SNX2: variants seen among roughly 807,000 people sequenced by gnomAD.
The protein encoded by SNX2 is sorting nexin-2.
SNX2 carries 25 observed loss-of-function variants against 69.9 expected under a neutral mutation model. The observed-to-expected ratio is 0.36, with a 90% CI of 0.26 to 0.50. The LOEUF is 0.50. SNX2 is among the 20% of genes least tolerant of loss of function. The pLI, the probability that SNX2 is intolerant of heterozygous loss-of-function variation, is 0.97. For missense variants in SNX2, 551 were observed against 613.3 expected (o/e 0.90, Z 1.07); for synonymous variants, 229 against 200.4 (o/e 1.14, Z -1.20).
At chr5:122,825,482 T>C (rs1467275854) in intron 11 of SNX2, among the ~76,000 whole-genome samples, 1 of 152,090 alleles carries the variant, frequency 6.6e-6, no homozygotes, top group Non-Finnish European at 1.5e-5. Context: ...ATAAAAAATA[T>C]ATATAGTCCT....
chr5:122,786,828 T>C (rs1269057075), intron 1 of SNX2, among the ~76,000 whole-genome samples: 1 of 152,156 alleles, frequency 6.6e-6, no homozygotes, highest in Non-Finnish European at 1.5e-5. Flanking sequence ...TGTCAGTCTG[T>C]TGGGGAGGGA....
chr5:122,775,989 A>G (rs564875208), intron 1 of SNX2, among the ~76,000 whole-genome samples: 18 of 152,024 alleles, frequency 1.2e-4, no homozygotes, highest in Non-Finnish European at 2.5e-4. Context: ...TGTTTTTGTC[A>G]AAGGAAGCAC....
intron 10 of SNX2, among the ~76,000 whole-genome samples, chr5:122,817,785 A>T (rs1057264974): frequency 6.6e-6 from 1 of 152,048 alleles, no homozygotes; most frequent in Non-Finnish European, 1.5e-5. Context: ...CTTTTTGAAA[A>T]TTTTTTGGAA....
chr5:122,806,142 G>GCGCGCACA, intron 6 of SNX2, among the ~76,000 whole-genome samples: 1 of 130,584 alleles, frequency 7.7e-6, no homozygotes, highest in African/African-American at 2.9e-5. Flanking sequence ...ACACGCGCGC[G>GCGCGCACA]CACACACACA....
At chr5:122,814,090 A>G (rs1753844643) in intron 7 of SNX2, among the ~76,000 whole-genome samples, 2 of 152,034 alleles carry the variant, frequency 1.3e-5, no homozygotes, top group South Asian at 4.1e-4. Context: ...TAAGTACTAG[A>G]TGTTTTGTCC....
At chr5:122,790,836 C>A (rs764246334) in intron 1 of SNX2, among the ~76,000 whole-genome samples, 1 of 152,212 alleles carries the variant, frequency 6.6e-6, no homozygotes, top group Non-Finnish European at 1.5e-5. Context: ...TCTTCCCAGT[C>A]TTTCTGCCTT....
intron 7 of SNX2, among the ~76,000 whole-genome samples, chr5:122,809,094 C>T (rs144430774): frequency 1.2e-4 from 19 of 152,206 alleles, no homozygotes; most frequent in Admixed American, 9.2e-4. Flanking sequence ...CTATACTAAA[C>T]ATGTGCAGAC....
At position 122,816,955 on chromosome 5, in the gene SNX2, G is replaced by T; in HGVS notation, c.839G>T (p.Gly280Val). 1 of 1,613,692 alleles carries T rather than the reference G, an allele frequency of 6.2e-7. No individual in the cohort carries two copies. Among genetic ancestry groups the T allele is most frequent in the Non-Finnish European group, 8.5e-7 (1 of 1,179,742 alleles). The part of the protein sequence containing the change: ...AVNTQALSGA[G>V]ILRMVNKAAD... ...AATACACAGGCTCTGAGTGGAGCAG[G>T]AATATTGAGGATGGTGAACAAGGCT... The change falls in exon 9 of 15, where the codon GGA becomes GTA. Residue 280 changes from glycine to valine, a missense_variant. Physicochemically the swap from Gly to Val is moderately radical, Grantham distance 109. Around this residue, in one of 2 missense-constraint regions of SNX2, gnomAD observed 360 missense variants for 450.4 expected, o/e 0.80. Transcript: ENST00000379516.
At chr5:122,804,260 A>T (rs1308553730) in intron 6 of SNX2, among the ~76,000 whole-genome samples, 3 of 152,160 alleles carry the variant, frequency 2.0e-5, no homozygotes, top group African/African-American at 7.2e-5. Context: ...CATTTTTCTA[A>T]GGGATGGAGG....
In SNX2 at chr5:122,827,612, A is replaced by G. The variant is rs375660293; in HGVS notation, c.1475A>G (p.Lys492Arg). 6.2e-6 allele frequency: 10 copies of G among 1,613,300 alleles called. No homozygotes were observed. Among genetic ancestry groups the G allele is most frequent in the African/African-American group, 4.0e-5 (3 of 74,916 alleles). Residue 492 changes from lysine (K) to arginine (R), a missense_variant, in exon 14 of 15, where the codon AAG (lysine) becomes AGG (arginine). Lys to Arg is a conservative substitution (Grantham distance 26). Coordinates refer to ENST00000379516, the MANE Select transcript of SNX2 (RefSeq NM_003100.4). The part of the protein sequence containing the change: ...RVKDFKTVII[K>R]YLESLVQTQQ... Reference sequence around the variant, plus strand: ...AAGGATTTTAAAACCGTTATCATCAAGTACTTAGAATCACTAGTTCAAACA... The same window carrying G: ...AAGGATTTTAAAACCGTTATCATCAGGTACTTAGAATCACTAGTTCAAACA...
At chr5:122,790,849 A>G (rs971808315) in intron 1 of SNX2, among the ~76,000 whole-genome samples, 3 of 152,138 alleles carry the variant, frequency 2.0e-5, no homozygotes, top group African/African-American at 4.8e-5. Flanking sequence ...TCTGCCTTTT[A>G]CTTCCTTTTC....
In SNX2 at chr5:122,811,825, C is replaced by CTAAATAAATAAATAAATAAA. The variant is rs376912042; in HGVS notation, c.722+3487_722+3506dup. Among the ~76,000 whole-genome samples the CTAAATAAATAAATAAATAAA allele has an allele frequency of 5.9e-3, 776 of 131,996 alleles. 3 individuals carry two copies. The highest frequency in any genetic ancestry group is 9.7e-3 in the Admixed American group (124 of 12,750). The allele number at this position is 131,996 out of a possible 152,430, so 86.6% of individuals were successfully genotyped here. On this transcript the variant is annotated intron_variant, in intron 7 of 14. Coordinates refer to ENST00000379516, the MANE Select transcript of SNX2 (RefSeq NM_003100.4). ...CTGTCGACAGAGTGAGACTCCGTCT[C>CTAAATAAATAAATAAATAAA]TAAATAAATAAATAAATAAATAAAT...
chr5:122,777,944 G>T (rs1752890546), intron 1 of SNX2, among the ~76,000 whole-genome samples: 1 of 152,074 alleles, frequency 6.6e-6, no homozygotes. Context: ...CTCCTATTTG[G>T]CTGTAATATT....
Position 122,818,905 on chromosome 5 carries a change from C to T in SNX2, c.1094C>T (p.Ser365Phe). 6.2e-7 allele frequency: 1 copy of T among 1,613,896 alleles called. No individual in the cohort carries two copies. The change falls in exon 11 of 15, where the codon TCT becomes TTT. Residue 365 changes from serine (S) to phenylalanine (F), a missense_variant. Around this residue, in one of 2 missense-constraint regions of SNX2, gnomAD observed 360 missense variants for 450.4 expected, o/e 0.80. Transcript: ENST00000379516. ...CATACTGCTTTATCTAGAGCTTTGT[C>T]TCAGCTTGCAGAGGTTGAGGAGAAG... The part of the protein sequence containing the change: ...EDHTALSRAL[S>F]QLAEVEEKID...
chr5:122,833,822 C>A lies in SNX2; in HGVS notation c.*4174C>A, dbSNP rs1000748492. 5 of 152,108 alleles carry A rather than the reference C, an allele frequency of 3.3e-5. No individual in the cohort carries two copies. The highest frequency in any genetic ancestry group is 1.2e-4 in the African/African-American group (5 of 41,420). 9.4% of individuals were successfully genotyped at this position (152,108 alleles called of 1,614,324 possible). The stretch of plus-strand genomic sequence containing the variant: ...AACAGCTAGTTTATCATCCTGAACC[C>A]AGTGAAGAAATCAAAGCTGAATAAA... On this transcript the variant is annotated 3_prime_UTR_variant, in exon 15 of 15. Coordinates refer to ENST00000379516, the MANE Select transcript of SNX2 (RefSeq NM_003100.4).
intron 6 of SNX2, among the ~76,000 whole-genome samples, chr5:122,804,883 A>G (rs964224408): frequency 2.0e-5 from 3 of 151,962 alleles, no homozygotes; most frequent in African/African-American, 7.3e-5. Context: ...CAGTTTTAGT[A>G]TATGTGCTGC....
rs180867537 is a variant in SNX2, at chr5:122,808,156, G to A, written c.644-121G>A. ...TTTTTGCTTTTTAGATAAGATACCA[G>A]TTACAAGTTTAGGGCTGTTAAGTTC... is the stretch of plus-strand genomic sequence containing the variant. On this transcript the variant is annotated intron_variant, in intron 6 of 14. Transcript: ENST00000379516. 8.0e-4 allele frequency: 460 copies of A among 572,276 alleles called. 3 individuals are homozygous for A. The highest frequency in any genetic ancestry group is 7.9e-3 in the African/African-American group (418 of 52,844). 35.4% of individuals were successfully genotyped at this position (572,276 alleles called of 1,614,324 possible). A position where few individuals can be genotyped will look rare whatever the true frequency, so the allele number is the denominator to read the frequency against.
intron 11 of SNX2, among the ~76,000 whole-genome samples, chr5:122,823,609 T>G (rs1170970016): frequency 6.6e-6 from 1 of 152,198 alleles, no homozygotes. Flanking sequence ...GAATCAAATT[T>G]TTACTGAACA....
chr5:122,784,141 G>A (rs1017150710), intron 1 of SNX2, among the ~76,000 whole-genome samples: 1 of 151,368 alleles, frequency 6.6e-6, no homozygotes, highest in African/African-American at 2.4e-5. Flanking sequence ...TGTAGAGTCC[G>A]ATGATTTTCT....
Sources: allele counts gnomAD v4.1 joint callset (sites outside exome capture counted in the v4.1 genomes callset), GRCh38; gene constraint gnomAD v4.1.1; regional missense constraint gnomAD v4.1.1; transcripts MANE v1.5; gene names NCBI Gene and HGNC (gene_info 2026-07-23, HGNC 2026-07-21).